The following DHX36 variants were observed in gnomAD, a reference collection of about 807,000 sequenced individuals.
The protein encoded by DHX36 is DEAH-box helicase 36.
Under a neutral mutation model 139.0 loss-of-function variants are expected in DHX36, and 50 were observed. The ratio of observed to expected loss-of-function variants is 0.36; its 90% CI spans 0.29 to 0.46. The LOEUF (loss-of-function observed/expected upper bound fraction) is 0.46, where lower values mean the gene tolerates loss of function less well. DHX36 is among the 20% of genes least tolerant of loss of function. The pLI is 1.00. For missense variants in DHX36, 1,024 were observed against 1,211.3 expected (o/e 0.85, Z 2.29); for synonymous variants, 425 against 401.9 (o/e 1.06, Z -0.69).
rs72996654 is a variant in DHX36, at chr3:154,303,318, T to C, written c.1217+11A>G. 1,421 of 1,560,704 alleles carry C rather than the reference T, an allele frequency of 9.1e-4. 14 individuals are homozygous for C. The African/African-American group carries it at 0.017, about 19-fold the overall frequency. On this transcript the variant is annotated intron_variant, in intron 9 of 24. Coordinates refer to ENST00000496811, the MANE Select transcript of DHX36 (RefSeq NM_020865.3). ...CTTTTTAATGTTTTTTATTTCCTAA[T>C]GTTTACTTACCTTATTTTTTCAATT...
intron 12 of DHX36, among the ~76,000 whole-genome samples, chr3:154,298,290 A>T (rs6775564): frequency 6.6e-6 from 1 of 152,180 alleles, no homozygotes; most frequent in Non-Finnish European, 1.5e-5. Context: ...CACATTTTTT[A>T]AAATTATAAG....
chr3:154,276,196 C>T lies in DHX36; in HGVS notation c.3002G>A (p.Arg1001Gln), dbSNP rs140010768. The T allele has an allele frequency of 6.8e-5, 109 of 1,612,542 alleles. No homozygotes were observed. The African/African-American group carries it at 1.3e-3, about 20-fold the overall frequency. ...TCAGCTGTAATATCCATCCTGGAAT[C>T]GTGGCGGAAAGTTCCTGGGAGTTGC... is the stretch of plus-strand genomic sequence containing the variant. Reference protein sequence around the residue: ...EKATPRNFPPRFQDGYYS With the variant: ...EKATPRNFPPQFQDGYYS Residue 1001 changes from arginine (R) to glutamine (Q), a missense_variant, in exon 25 of 25, where the codon CGA (arginine) becomes CAA (glutamine). Physicochemically the swap from Arg to Gln is conservative, Grantham distance 43. Around this residue, in one of 4 missense-constraint regions of DHX36, gnomAD observed 470 missense variants for 616.2 expected, o/e 0.76. Transcript: ENST00000496811.
At chr3:154,307,214 C>A (rs988337071) in intron 5 of DHX36, among the ~76,000 whole-genome samples, 1 of 151,860 alleles carries the variant, frequency 6.6e-6, no homozygotes, top group African/African-American at 2.4e-5. Context: ...TTGGTCTAGG[C>A]AAAGAATTTA....
intron 1 of DHX36, among the ~76,000 whole-genome samples, chr3:154,321,325 T>A (rs1161182092): frequency 6.6e-6 from 1 of 152,232 alleles, no homozygotes; most frequent in Non-Finnish European, 1.5e-5. Context: ...CCTTGATCTC[T>A]ATGTTATGGC....
intron 15 of DHX36, 79 bp from the exon 16 acceptor site, chr3:154,289,905 G>A (rs1711715417): frequency 5.1e-6 from 4 of 785,370 alleles, no homozygotes; most frequent in Non-Finnish European, 8.5e-6. Flanking sequence ...GAAAATACTA[G>A]GCAGGGAAGT....
At chr3:154,286,424 T>C (rs1301950650) in intron 17 of DHX36, among the ~76,000 whole-genome samples, 7 of 151,594 alleles carry the variant, frequency 4.6e-5, no homozygotes, top group African/African-American at 1.7e-4. Context: ...ATGAATACAA[T>C]CATTCAAAAA....
intron 12 of DHX36, among the ~76,000 whole-genome samples, chr3:154,296,317 A>C: frequency 6.6e-6 from 1 of 152,152 alleles, no homozygotes. Context: ...TACTAAAAAT[A>C]CAAAAACTTA....
At chr3:154,306,417 T>A (rs1392355733) in intron 5 of DHX36, 122 bp from the exon 6 acceptor site, 6 of 756,572 alleles carry the variant, frequency 7.9e-6, no homozygotes, top group Non-Finnish European at 1.3e-5. Flanking sequence ...GTTAAAAAAA[T>A]AGATATTAAA....
Position 154,305,793 on chromosome 3 carries a change from A to G in DHX36, c.893+423T>C, listed in dbSNP as rs1216431210. Among the ~76,000 whole-genome samples the G allele has an allele frequency of 3.3e-5, 5 of 152,282 alleles. No homozygotes were observed. In the South Asian group the frequency reaches 1.0e-3, roughly 32 times the overall value. On this transcript the variant is annotated intron_variant, in intron 6 of 24. Coordinates refer to ENST00000496811, the MANE Select transcript of DHX36 (RefSeq NM_020865.3). The stretch of plus-strand genomic sequence containing the variant: ...AAAACATTAAGTAAATTAAAACATA[A>G]AAAGGCAAATGGAGTCCTAAGCTCC...
intron 13 of DHX36, 90 bp from the exon 14 acceptor site, chr3:154,293,902 C>A: frequency 2.3e-6 from 2 of 864,724 alleles, no homozygotes; most frequent in South Asian, 3.3e-5. Context: ...AGATACTGTT[C>A]ATTTTTAGCA....
chr3:154,286,166 CAAAAAAAAAAAAAA>C (rs60041573), intron 17 of DHX36, among the ~76,000 whole-genome samples: 1 of 16,580 alleles, frequency 6.0e-5, no homozygotes, highest in Non-Finnish European at 1.3e-4. Flanking sequence ...TTCCACACAC[CAAAAAAAAAAAAAA>C]AAAAAAAAAA....
At position 154,301,103 on chromosome 3, in the gene DHX36, G is replaced by A; in HGVS notation, c.1242C>T (p.His414=). ...KIRYVPEQKE[H]RSQFKRGFMQ... is the part of the protein sequence containing the mutation. ...TGAAACCCCTCTTAAACTGGGATCT[G>A]TGTTCTTTTTGTTCTGGAACATACC... Residue 414 remains histidine, a synonymous_variant, in exon 10 of 25, where the codon CAC becomes CAT. Transcript: ENST00000496811. 1 of 1,603,618 alleles carries A rather than the reference G, an allele frequency of 6.2e-7. No homozygotes were observed. The highest frequency in any genetic ancestry group is 8.5e-7 in the Non-Finnish European group (1 of 1,177,708).
rs866694888 is a variant in DHX36, at chr3:154,324,225, C to G, written c.192G>C (p.Met64Ile). 11 of 1,613,626 alleles carry G rather than the reference C, an allele frequency of 6.8e-6. No homozygotes were observed. The Middle Eastern group carries it at 1.8e-3, about 266-fold the overall frequency. ...TCTGCCCCTGTTTTTTCGCGTACCACATGCCGATTTCGCGGCCTTTCAGGT... is the reference window on the plus strand; with the variant it reads ...TCTGCCCCTGTTTTTTCGCGTACCAGATGCCGATTTCGCGGCCTTTCAGGT... ...PGHLKGREIG[M>I]WYAKKQGQKN... The change falls in exon 1 of 25, where the codon ATG becomes ATC. Residue 64 changes from methionine to isoleucine, a missense_variant. This residue lies in a region of DHX36 where 293 missense variants were observed against 274.4 expected (regional missense o/e 1.07). Coordinates refer to ENST00000496811, the MANE Select transcript of DHX36 (RefSeq NM_020865.3).
At chr3:154,279,439 G>T (rs1719262256) in intron 22 of DHX36, 1 of 152,182 alleles carries the variant, frequency 6.6e-6, no homozygotes, top group Admixed American at 6.5e-5. Flanking sequence ...GTGACTCACT[G>T]TTAAGCTACC....
chr3:154,322,542 G>A (rs1203704137), intron 1 of DHX36, among the ~76,000 whole-genome samples: 1 of 152,184 alleles, frequency 6.6e-6, no homozygotes. Context: ...TGAAGGGGAA[G>A]AAGCAAAGAT....
At chr3:154,323,165 T>C (rs1158080773) in intron 1 of DHX36, among the ~76,000 whole-genome samples, 1 of 152,026 alleles carries the variant, frequency 6.6e-6, no homozygotes, top group Non-Finnish European at 1.5e-5. Context: ...TGAAACCCCG[T>C]CTCTACTAAA....
At chr3:154,306,348 C>G (rs1712501459) in intron 5 of DHX36, 53 bp from the exon 6 acceptor site, 72 of 1,443,340 alleles carry the variant, frequency 5.0e-5, no homozygotes, top group Non-Finnish European at 6.9e-5. Flanking sequence ...GAACAAATAT[C>G]CTGAATGTCC....
Position 154,304,927 on chromosome 3 carries a change from T to C in DHX36, c.1014A>G (p.Glu338=). The C allele has an allele frequency of 6.2e-7, 1 of 1,611,206 alleles. No individual in the cohort carries two copies. The highest frequency in any genetic ancestry group is 2.2e-5 in the East Asian group (1 of 44,790). Residue 338 remains glutamate (E), a synonymous_variant, in exon 8 of 25, where the codon GAA becomes GAG. Coordinates refer to ENST00000496811, the MANE Select transcript of DHX36 (RefSeq NM_020865.3). Reference sequence around the variant, plus strand: ...TTAAAACATCTGACTGCAGATTTCTTTCATGGATTTCATCAAGTACGATAT... The same window carrying C: ...TTAAAACATCTGACTGCAGATTTCTCTCATGGATTTCATCAAGTACGATAT... ...VSHIVLDEIH[E]RNLQSDVLMT...
intron 12 of DHX36, among the ~76,000 whole-genome samples, chr3:154,297,537 C>T (rs2108348856): frequency 6.6e-6 from 1 of 152,052 alleles, no homozygotes; most frequent in East Asian, 1.9e-4. Flanking sequence ...ATGGTGAAAC[C>T]CTGTCTCTAC....
Sources: allele counts gnomAD v4.1 joint callset (sites outside exome capture counted in the v4.1 genomes callset), GRCh38; gene constraint gnomAD v4.1.1; regional missense constraint gnomAD v4.1.1; transcripts MANE v1.5; gene names NCBI Gene and HGNC (gene_info 2026-07-23, HGNC 2026-07-21).